The following DYSF variants were observed in gnomAD, a reference collection of about 807,000 sequenced individuals.
The protein encoded by DYSF is dystrophy-associated fer-1-like 1.
In DYSF, 212 loss-of-function variants were observed where a neutral mutation model predicts 274.9. The observed-to-expected ratio is 0.77, with a 90% confidence interval of 0.69 to 0.86. DYSF has a LOEUF of 0.86. Among genes scored for constraint, DYSF ranks in the 40% least tolerant of loss-of-function variants. The pLI is 0.00. For synonymous variants in DYSF, 1,091 were observed against 1,078.7 expected, an observed-to-expected ratio of 1.01 and a Z score of -0.22; for missense variants, 2,666 against 2,783.2, an observed-to-expected ratio of 0.96 and a Z score of 0.95.
intron 45 of DYSF, 101 bp downstream of exon 45, chr2:71,660,752 T>C: frequency 9.7e-7 from 1 of 1,027,782 alleles, no homozygotes; most frequent in South Asian, 1.3e-5. Context: ...CCGTATCTCT[T>C]GGAGCAAAAC....
intron 17 of DYSF, among the ~76,000 whole-genome samples, chr2:71,543,848 C>A (rs1424308949): frequency 6.8e-6 from 1 of 146,342 alleles, no homozygotes; most frequent in African/African-American, 2.7e-5. Context: ...AGAGGGAGAC[C>A]GTGGAAAGAG....
intron 55 of DYSF, among the ~76,000 whole-genome samples, chr2:71,685,857 G>T (rs1342959555): frequency 6.6e-6 from 1 of 152,196 alleles, no homozygotes; most frequent in South Asian, 2.1e-4. Flanking sequence ...GGGGGGAGAA[G>T]TGGGGAGGGG....
chr2:71,650,856 T>C (rs1414826436), intron 42 of DYSF, among the ~76,000 whole-genome samples: 1 of 152,160 alleles, frequency 6.6e-6, no homozygotes, highest in Non-Finnish European at 1.5e-5. Context: ...TATTAGAACT[T>C]ACTGGTTATA....
intron 4 of DYSF, among the ~76,000 whole-genome samples, chr2:71,509,204 C>T (rs972225001): frequency 6.6e-6 from 1 of 151,834 alleles, no homozygotes; most frequent in Non-Finnish European, 1.5e-5. Flanking sequence ...CATTCTGTTG[C>T]CCAGCTGGAA....
chr2:71,570,165 T>G (rs2092334812), intron 27 of DYSF, 64 bp from the exon 28 acceptor site: 1 of 1,467,534 alleles, frequency 6.8e-7, no homozygotes, highest in Non-Finnish European at 9.6e-7. Context: ...TTGCATCTTT[T>G]CTGCCTCCCT....
chr2:71,672,350 A>G (rs2095140418), intron 51 of DYSF, among the ~76,000 whole-genome samples: 1 of 152,202 alleles, frequency 6.6e-6, no homozygotes, highest in Non-Finnish European at 1.5e-5. Context: ...GGCACTGCAC[A>G]GCCTCTGGGC....
At chr2:71,663,013 G>C (rs1166495464) in intron 45 of DYSF, among the ~76,000 whole-genome samples, 1 of 152,242 alleles carries the variant, frequency 6.6e-6, no homozygotes, top group Admixed American at 6.5e-5. Context: ...GTGTATATTT[G>C]TGTATGTTTA....
chr2:71,517,190 G>A, intron 10 of DYSF, 151 bp downstream of exon 10: 1 of 795,978 alleles, frequency 1.3e-6, no homozygotes, highest in Non-Finnish European at 2.1e-6. Flanking sequence ...CCTCTGCACA[G>A]CATCTCCTTT....
chr2:71,539,059 C>A, intron 16 of DYSF, 98 bp from the exon 17 acceptor site: 1 of 1,044,792 alleles, frequency 9.6e-7, no homozygotes, highest in Non-Finnish European at 1.5e-6. Flanking sequence ...TGCCCCCCGC[C>A]CCCCTGTGAT....
At chr2:71,598,426 T>C (rs1574261956) in intron 32 of DYSF, 138 bp from the exon 33 acceptor site, 1 of 1,051,022 alleles carries the variant, frequency 9.5e-7, no homozygotes, top group Non-Finnish European at 1.4e-6. Flanking sequence ...GGAAGATGCA[T>C]CCCAGCATGA....
Position 71,551,603 on chromosome 2 carries a change from G to A in DYSF, c.1693-4G>A. On this transcript the variant is annotated splice_polypyrimidine_tract_variant and splice_region_variant and intron_variant, in intron 18 of 55. Coordinates refer to ENST00000410020, the MANE Select transcript of DYSF (RefSeq NM_001130987.2). ...TGCTCCTTGTGACCTGACCTCCCTG[G>A]CAGGGGGAAGGTGTGGCTTATCGTG... The A allele has an allele frequency of 6.2e-7, 1 of 1,601,502 alleles. No homozygotes were observed. Among genetic ancestry groups the A allele is most frequent in the Admixed American group, 1.7e-5 (1 of 57,242 alleles).
chr2:71,577,185 CTA>C (rs1043981573), intron 30 of DYSF: 2 of 153,040 alleles, frequency 1.3e-5, no homozygotes, highest in African/African-American at 2.4e-5. Flanking sequence ...CTGGAAGACT[CTA>C]TACCTGAGTG....
At chr2:71,489,438 G>A (rs1182046564) in intron 3 of DYSF, among the ~76,000 whole-genome samples, 3 of 152,258 alleles carry the variant, frequency 2.0e-5, no homozygotes. Context: ...AGCCACTGCA[G>A]TAGATTATGA....
intron 55 of DYSF, 41 bp from the exon 56 acceptor site, chr2:71,686,413 A>G (rs1168875539): frequency 1.1e-5 from 18 of 1,612,990 alleles, no homozygotes; most frequent in Non-Finnish European, 1.4e-5. Context: ...TGCCTGCCCC[A>G]GTGGGATCAC....
chr2:71,682,656 C>T lies in DYSF; in HGVS notation c.6300C>T (p.Ala2100=). ...IILFILLLFL[A]IFIYAFPNYA... Reference sequence around the variant, plus strand: ...TCTTCATCCTGCTGCTGTTCCTGGCCATCTTCATCTACGCCTTCCCGGTGA... The same window carrying T: ...TCTTCATCCTGCTGCTGTTCCTGGCTATCTTCATCTACGCCTTCCCGGTGA... The change falls in exon 55 of 56, where the codon GCC becomes GCT. Residue 2100 remains alanine, a synonymous_variant. Transcript: ENST00000410020. 1 of 1,614,112 alleles carries T rather than the reference C, an allele frequency of 6.2e-7. No homozygotes were observed. The highest frequency in any genetic ancestry group is 8.5e-7 in the Non-Finnish European group (1 of 1,180,012).
intron 36 of DYSF, 51 bp downstream of exon 36, chr2:71,602,856 G>T: frequency 6.2e-7 from 1 of 1,605,960 alleles, no homozygotes. Flanking sequence ...GAGGGAAGGT[G>T]AAGCCAGCCT....
Position 71,662,649 on chromosome 2 carries a change from A to G in DYSF, c.5004-1619A>G, listed in dbSNP as rs111207186. 1.2e-4 allele frequency among the ~76,000 whole-genome samples: 10 copies of G among 86,018 alleles called. No individual in the cohort carries two copies. In the South Asian group the frequency reaches 3.3e-3, roughly 28 times the overall value. 56.4% of individuals were successfully genotyped at this position (86,018 alleles called of 152,430 possible). ...TGTGGCATGTGTGTATTTTGTGTGT[A>G]TGTGTCTCTGTGTCCATGTGTCCGT... On this transcript the variant is annotated intron_variant, in intron 45 of 55. Transcript: ENST00000410020.
intron 30 of DYSF, among the ~76,000 whole-genome samples, chr2:71,580,250 G>A (rs2092842950): frequency 2.0e-5 from 3 of 152,208 alleles, no homozygotes; most frequent in Admixed American, 2.0e-4. Flanking sequence ...CTGGCCCCCC[G>A]GCCCCAACCC....
chr2:71,507,620 C>T (rs891981930), intron 4 of DYSF, among the ~76,000 whole-genome samples: 1 of 152,172 alleles, frequency 6.6e-6, no homozygotes, highest in Non-Finnish European at 1.5e-5. Context: ...TGCGCGCACA[C>T]ACACACACGT....
Sources: allele counts gnomAD v4.1 joint callset (sites outside exome capture counted in the v4.1 genomes callset), GRCh38; gene constraint gnomAD v4.1.1; transcripts MANE v1.5; gene names NCBI Gene and HGNC (gene_info 2026-07-23, HGNC 2026-07-21).